The following NRXN3 variants were observed in gnomAD, a reference collection of about 807,000 sequenced individuals.
The protein encoded by NRXN3 is neurexin III.
Under a neutral mutation model 137.6 loss-of-function variants are expected in NRXN3, and 32 were observed. The ratio of observed to expected loss-of-function variants is 0.23; its 90% CI spans 0.18 to 0.31. The LOEUF is 0.31. Ranked by LOEUF, NRXN3 falls within the 10% of genes least tolerant of loss-of-function variation. NRXN3 has a pLI of 1.00. For missense variants in NRXN3, 1,574 were observed against 2,062.5 expected (o/e 0.76, Z 4.59); for synonymous variants, 798 against 784.5 (o/e 1.02, Z -0.29).
chr14:79,713,175 T>TTC (rs1215311992), intron 19 of NRXN3, among the ~76,000 whole-genome samples: 1 of 145,396 alleles, frequency 6.9e-6, no homozygotes, highest in East Asian at 2.0e-4. Context: ...TTTTTTTTTT[T>TTC]TTTTTTTTTT....
At chr14:78,264,950 A>T (rs2071442710) in intron 2 of NRXN3, among the ~76,000 whole-genome samples, 1 of 152,100 alleles carries the variant, frequency 6.6e-6, no homozygotes, top group Admixed American at 6.5e-5. Context: ...GATAGTTAAA[A>T]CCATTTCCCA....
chr14:78,792,187 T>C (rs565646877), intron 8 of NRXN3, among the ~76,000 whole-genome samples: 1 of 101,096 alleles, frequency 9.9e-6, no homozygotes, highest in African/African-American at 3.7e-5. Flanking sequence ...ATTGAATTCA[T>C]GTCACAAGAA....
At chr14:78,424,775 C>A (rs1047602286) in intron 4 of NRXN3, among the ~76,000 whole-genome samples, 3 of 152,156 alleles carry the variant, frequency 2.0e-5, no homozygotes, top group African/African-American at 7.2e-5. Context: ...GGTCCCAGTC[C>A]TTCCAACAAC....
At chr14:78,351,529 G>A (rs2083487863) in intron 4 of NRXN3, among the ~76,000 whole-genome samples, 1 of 152,066 alleles carries the variant, frequency 6.6e-6, no homozygotes, top group East Asian at 1.9e-4. Context: ...TGATGTGGGT[G>A]ATTTTTCTTT....
At chr14:79,605,954 G>A (rs559255890) in intron 16 of NRXN3, among the ~76,000 whole-genome samples, 1 of 152,298 alleles carries the variant, frequency 6.6e-6, no homozygotes, top group East Asian at 1.9e-4. Context: ...GTTCTTGTGG[G>A]TTAATCATGC....
chr14:78,355,176 C>T (rs919789463), intron 4 of NRXN3, among the ~76,000 whole-genome samples: 18 of 152,282 alleles, frequency 1.2e-4, no homozygotes, highest in African/African-American at 3.6e-4. Flanking sequence ...AATATTTTCA[C>T]GTTAAATCCA....
At chr14:79,731,155 G>T (rs192180226) in intron 19 of NRXN3, among the ~76,000 whole-genome samples, 1 of 151,990 alleles carries the variant, frequency 6.6e-6, no homozygotes, top group Non-Finnish European at 1.5e-5. Context: ...AGGGTAGATC[G>T]AATGAACACA....
At chr14:79,853,586 A>T (rs761822550) in intron 20 of NRXN3, 11 of 1,351,618 alleles carry the variant, frequency 8.1e-6, no homozygotes, top group Non-Finnish European at 9.8e-6. Context: ...CCTTACATGG[A>T]CATGGCGACT....
At chr14:79,840,899 C>T (rs959710737) in intron 20 of NRXN3, among the ~76,000 whole-genome samples, 3 of 152,188 alleles carry the variant, frequency 2.0e-5, no homozygotes, top group African/African-American at 7.2e-5. Context: ...TGATCATACT[C>T]ATTTGTTTCT....
chr14:79,688,869 ATCAAAAAT>A (rs1296242908), intron 17 of NRXN3, among the ~76,000 whole-genome samples: 9 of 152,196 alleles, frequency 5.9e-5, no homozygotes, highest in Non-Finnish European at 1.5e-5. Flanking sequence ...TCAATCCCTT[ATCAAAAAT>A]AGATGGGAAT....
At chr14:79,224,526 T>A (rs1017191536) in intron 15 of NRXN3, among the ~76,000 whole-genome samples, 3 of 152,164 alleles carry the variant, frequency 2.0e-5, no homozygotes, top group African/African-American at 7.2e-5. Flanking sequence ...GTAGAGGGAA[T>A]CACTTACCTT....
intron 16 of NRXN3, among the ~76,000 whole-genome samples, chr14:79,581,647 A>G (rs2097717271): frequency 6.6e-6 from 1 of 152,082 alleles, no homozygotes; most frequent in Admixed American, 6.5e-5. Context: ...GTCAAATTAT[A>G]TTTCTCCCAG....
At chr14:79,703,064 C>T (rs113302463) in intron 19 of NRXN3, among the ~76,000 whole-genome samples, 1 of 152,088 alleles carries the variant, frequency 6.6e-6, no homozygotes, top group African/African-American at 2.4e-5. Context: ...CAACTGCTGC[C>T]TGAAAATTGC....
At chr14:78,708,527 AAC>A (rs1312602726) in intron 6 of NRXN3, 1 of 152,098 alleles carries the variant, frequency 6.6e-6, no homozygotes, top group African/African-American at 2.4e-5. Flanking sequence ...AAAAAAGTCT[AAC>A]ACTGTAAGAG....
intron 1 of NRXN3, among the ~76,000 whole-genome samples, chr14:78,216,639 G>A (rs985344580): frequency 2.0e-5 from 3 of 152,234 alleles, no homozygotes; most frequent in African/African-American, 7.2e-5. Flanking sequence ...TTGAAAAGGA[G>A]CATAGCTTTA....
At chr14:79,527,063 G>A (rs910025755) in intron 16 of NRXN3, among the ~76,000 whole-genome samples, 4 of 152,004 alleles carry the variant, frequency 2.6e-5, no homozygotes, top group South Asian at 2.1e-4. Context: ...GAGGCAGGTG[G>A]ATCACCCTGT....
chr14:78,397,941 G>A (rs1567473419), intron 4 of NRXN3, among the ~76,000 whole-genome samples: 1 of 150,848 alleles, frequency 6.6e-6, no homozygotes, highest in Non-Finnish European at 1.5e-5. Flanking sequence ...AGGGCCAGGG[G>A]CAGTGGCTTA....
At chr14:79,382,448 G>A (rs1021827172) in intron 15 of NRXN3, among the ~76,000 whole-genome samples, 1 of 152,124 alleles carries the variant, frequency 6.6e-6, no homozygotes, top group Non-Finnish European at 1.5e-5. Flanking sequence ...CTAGGGCTAT[G>A]TCCAGAAACT....
intron 15 of NRXN3, among the ~76,000 whole-genome samples, chr14:79,065,276 G>A (rs1290210425): frequency 6.6e-6 from 1 of 152,082 alleles, no homozygotes; most frequent in African/African-American, 2.4e-5. Context: ...GATTCTGAAA[G>A]AGGGATAAGA....
Sources: gnomAD v4.1 joint callset for allele counts (sites outside exome capture counted in the v4.1 genomes callset) on GRCh38, gnomAD v4.1.1 for gene constraint, MANE v1.5 for transcripts, NCBI Gene and HGNC (gene_info 2026-07-23, HGNC 2026-07-21) for gene names.